The following ABCC4 variants were observed in gnomAD, a reference collection of about 807,000 sequenced individuals.
ABCC4 encodes ATP-binding cassette sub-family C member 4.
ABCC4 carries 102 observed loss-of-function variants against 168.5 expected under a neutral mutation model. The observed-to-expected ratio is 0.61, with a 90% CI of 0.52 to 0.71. The LOEUF is 0.71. ABCC4 is among the 30% of genes least tolerant of loss of function. ABCC4 has a pLI of 0.00. For synonymous variants in ABCC4, 617 were observed against 590.7 expected, an observed-to-expected ratio of 1.04 and a Z score of -0.65; for missense variants, 1,402 against 1,605.8, an observed-to-expected ratio of 0.87 and a Z score of 2.17.
intron 19 of ABCC4, among the ~76,000 whole-genome samples, chr13:95,146,782 G>C (rs2036514354): frequency 6.6e-6 from 1 of 152,154 alleles, no homozygotes; most frequent in African/African-American, 2.4e-5. Context: ...AGCTTAAGTT[G>C]TCAAATAAAT....
At chr13:95,241,682 T>C (rs2039947896) in intron 3 of ABCC4, among the ~76,000 whole-genome samples, 1 of 152,174 alleles carries the variant, frequency 6.6e-6, no homozygotes, top group Non-Finnish European at 1.5e-5. Context: ...ATGTTCACCA[T>C]TAGACTAGTA....
chr13:95,060,631 T>A (rs2033251214), intron 26 of ABCC4, among the ~76,000 whole-genome samples: 1 of 152,222 alleles, frequency 6.6e-6, no homozygotes, highest in African/African-American at 2.4e-5. Flanking sequence ...AAGCACTAAG[T>A]CATGCTTCTA....
At chr13:95,025,902 G>A (rs949026686) in intron 30 of ABCC4, among the ~76,000 whole-genome samples, 16 of 152,134 alleles carry the variant, frequency 1.1e-4, no homozygotes, top group African/African-American at 3.9e-4. Context: ...CAAAAGTGAA[G>A]TGGAAAAGAA....
In ABCC4 at chr13:95,207,817, A is replaced by T. The variant is rs1475088305; in HGVS notation, c.894T>A (p.Leu298=). 7 of 1,612,182 alleles carry T rather than the reference A, an allele frequency of 4.3e-6. No homozygotes were observed. The Admixed American group carries it at 1.2e-4, about 27-fold the overall frequency. ...MYAWEKSFSN[L]ITNLRKKEIS... ...AAACTTACTTTCTCAAATTGGTAAT[A>T]AGATTTGAAAATGACTTTTCCCAGG... The change falls in exon 7 of 31, where the codon CTT becomes CTA. Residue 298 remains leucine, a synonymous_variant. Coordinates refer to ENST00000645237, the MANE Select transcript of ABCC4 (RefSeq NM_005845.5).
intron 26 of ABCC4, among the ~76,000 whole-genome samples, chr13:95,053,438 T>C (rs1189449): frequency 0.58 from 88,022 of 151,950 alleles, 26,207 homozygotes; most frequent in South Asian, 0.75. Context: ...AAATGAAAAA[T>C]ACAGGCCTGA....
chr13:95,170,035 T>G (rs1240736086), intron 14 of ABCC4, among the ~76,000 whole-genome samples: 1 of 152,110 alleles, frequency 6.6e-6, no homozygotes, highest in Non-Finnish European at 1.5e-5. Flanking sequence ...TTTTTGTATT[T>G]TTAGTAGAGA....
chr13:95,231,766 A>T (rs2138748145), intron 4 of ABCC4, among the ~76,000 whole-genome samples: 1 of 152,338 alleles, frequency 6.6e-6, no homozygotes, highest in South Asian at 2.1e-4. Context: ...TGACAAATTA[A>T]TACCTTTGGG....
At position 95,074,211 on chromosome 13, in the gene ABCC4, T is replaced by C. The variant is rs1236573472; in HGVS notation, c.2917+3A>G. Reference sequence around the variant, plus strand: ...ATACATAGTTATTCACATCTGTACTTACTTTTTGCCAGAATCAGGGACCCA... The same window carrying C: ...ATACATAGTTATTCACATCTGTACTCACTTTTTGCCAGAATCAGGGACCCA... On this transcript the variant is annotated splice_donor_region_variant and intron_variant, in intron 23 of 30. Coordinates refer to ENST00000645237, the MANE Select transcript of ABCC4 (RefSeq NM_005845.5). 6.2e-7 allele frequency: 1 copy of C among 1,606,764 alleles called. No homozygotes were observed. Among genetic ancestry groups the C allele is most frequent in the Admixed American group, 1.7e-5 (1 of 59,754 alleles).
At chr13:95,257,984 A>C (rs1160995119) in intron 1 of ABCC4, among the ~76,000 whole-genome samples, 1 of 152,212 alleles carries the variant, frequency 6.6e-6, no homozygotes, top group Non-Finnish European at 1.5e-5. Flanking sequence ...AGCCTCACTT[A>C]TGTGAGCCCA....
At chr13:95,194,471 C>T (rs141812847) in intron 9 of ABCC4, among the ~76,000 whole-genome samples, 66 of 152,308 alleles carry the variant, frequency 4.3e-4, no homozygotes, top group African/African-American at 1.4e-3. Context: ...CCAAAGTCTC[C>T]GTAATAATCT....
At chr13:95,215,083 T>C (rs977788358) in intron 4 of ABCC4, among the ~76,000 whole-genome samples, 1 of 152,048 alleles carries the variant, frequency 6.6e-6, no homozygotes, top group African/African-American at 2.4e-5. Flanking sequence ...GAAACTCAGA[T>C]CTACAGAAAG....
At chr13:95,140,173 C>A (rs927776260) in intron 19 of ABCC4, among the ~76,000 whole-genome samples, 24 of 152,222 alleles carry the variant, frequency 1.6e-4, no homozygotes, top group Non-Finnish European at 2.9e-4. Context: ...CCAGGGCACT[C>A]CCACCACCCA....
In ABCC4 at chr13:95,088,323, ACTTAT is replaced by A. The variant is rs1185767232; in HGVS notation, c.2536-5038_2536-5034del. 8.5e-5 allele frequency among the ~76,000 whole-genome samples: 13 copies of A among 152,378 alleles called. No homozygotes were observed. In the East Asian group the frequency reaches 2.5e-3, roughly 29 times the overall value. ...GGAAATAAAAGATAAGTTTTAACCC[ACTTAT>A]CTTAATAACTGATATAACAAGCACA... On this transcript the variant is annotated intron_variant, in intron 20 of 30. Coordinates refer to ENST00000645237, the MANE Select transcript of ABCC4 (RefSeq NM_005845.5).
At chr13:95,156,727 C>T (rs753050126) in intron 19 of ABCC4, among the ~76,000 whole-genome samples, 3 of 152,188 alleles carry the variant, frequency 2.0e-5, no homozygotes, top group Admixed American at 6.5e-5. Context: ...GATCCCATCA[C>T]CAACCTACAT....
chr13:95,067,324 A>G (rs536496698), intron 25 of ABCC4, among the ~76,000 whole-genome samples: 1 of 152,330 alleles, frequency 6.6e-6, no homozygotes, highest in Admixed American at 6.5e-5. Flanking sequence ...CAGAATATAA[A>G]AGTAAAAAAA....
intron 4 of ABCC4, among the ~76,000 whole-genome samples, chr13:95,211,912 GC>G (rs1376542919): frequency 6.6e-6 from 1 of 152,112 alleles, no homozygotes; most frequent in Non-Finnish European, 1.5e-5. Context: ...GGGCGCGGTG[GC>G]TCACACCTGT....
chr13:95,207,909 A>G lies in ABCC4; in HGVS notation c.802T>C (p.Phe268Leu), dbSNP rs748836370. The G allele has an allele frequency of 1.2e-6, 2 of 1,613,710 alleles. No individual in the cohort carries two copies. Among genetic ancestry groups the G allele is most frequent in the South Asian group, 2.2e-5 (2 of 91,004 alleles). The change falls in exon 7 of 31, where the codon TTC (phenylalanine) becomes CTC (leucine). Residue 268 changes from phenylalanine to leucine, a missense_variant. Phe to Leu is a conservative substitution (Grantham distance 22, BLOSUM62 0). This residue lies in a region of ABCC4 where 317 missense variants were observed against 345.5 expected (regional missense o/e 0.92). Transcript: ENST00000645237. ...ATGGTCCTGATCCTGGCATCCGTGA[A>G]AGTTGCAGTTTTACTCCTAAGGGGA... Reference protein sequence around the residue: ...FSSLRSKTATFTDARIRTMNE... With the variant: ...FSSLRSKTATLTDARIRTMNE...
intron 3 of ABCC4, among the ~76,000 whole-genome samples, chr13:95,236,825 TACAATGGGTCATA>T (rs1236264770): frequency 6.6e-6 from 1 of 152,184 alleles, no homozygotes; most frequent in Non-Finnish European, 1.5e-5. Context: ...GAGCCCCCAG[TACAATGGGTCATA>T]ACACGGACTG....
At chr13:95,276,440 G>A (rs1351318715) in intron 1 of ABCC4, among the ~76,000 whole-genome samples, 15 of 138,708 alleles carry the variant, frequency 1.1e-4, no homozygotes, top group Admixed American at 3.0e-4. Context: ...AAAAGTGAAC[G>A]AAGCTGCAAT....
Sources: gnomAD v4.1 joint callset for allele counts (sites outside exome capture counted in the v4.1 genomes callset) on GRCh38, gnomAD v4.1.1 for gene constraint, gnomAD v4.1.1 regional missense constraint, MANE v1.5 for transcripts, NCBI Gene and HGNC (gene_info 2026-07-23, HGNC 2026-07-21) for gene names.